Variants in C1QTNF3 observed in about 807,000 individuals in gnomAD.
C1QTNF3 encodes complement C1q tumor necrosis factor-related protein 3.
In C1QTNF3, 26 loss-of-function variants were observed where a neutral mutation model predicts 32.6. The observed-to-expected ratio is 0.80, with a 90% CI of 0.58 to 1.11. The LOEUF (loss-of-function observed/expected upper bound fraction) is 1.11. Among genes scored for constraint, C1QTNF3 ranks in the 50% least tolerant of loss-of-function variants. The probability of loss-of-function intolerance (pLI) is 0.00; values close to 1 mark genes in which losing one functional copy is unlikely to be tolerated. For synonymous variants in C1QTNF3, 155 were observed against 146.0 expected, an observed-to-expected ratio of 1.06 and a Z score of -0.44; for missense variants, 362 against 398.2, an observed-to-expected ratio of 0.91 and a Z score of 0.77.
At chr5:34,120,774 C>T in the C1QTNF3 span, among the ~76,000 whole-genome samples, 1 of 152,174 alleles carries the variant, frequency 6.6e-6, no homozygotes, top group African/African-American at 2.4e-5. Context: ...CACGTGGAAC[C>T]GTGAGTCCAT....
At chr5:34,174,894 C>T in the C1QTNF3 span, among the ~76,000 whole-genome samples, 1 of 150,454 alleles carries the variant, frequency 6.6e-6, no homozygotes, top group African/African-American at 2.4e-5. Context: ...ACTACAGGCG[C>T]CCACCACCAC....
chr5:34,175,144 G>T, the C1QTNF3 span, among the ~76,000 whole-genome samples: 1 of 150,126 alleles, frequency 6.7e-6, no homozygotes, highest in South Asian at 2.1e-4. Flanking sequence ...CCTGTGCTCA[G>T]GCTATCCGCC....
the C1QTNF3 span, among the ~76,000 whole-genome samples, chr5:34,147,479 G>A: frequency 6.6e-6 from 1 of 152,138 alleles, no homozygotes; most frequent in Non-Finnish European, 1.5e-5. Flanking sequence ...GTACTACAGA[G>A]CCATAGAAAA....
At chr5:34,024,345 T>A in intron 4 of C1QTNF3, 1 of 221,832 alleles carries the variant, frequency 4.5e-6, no homozygotes, top group Non-Finnish European at 9.2e-6. Flanking sequence ...ATCATCCTCA[T>A]GTACCACAGA....
chr5:34,068,796 C>T, the C1QTNF3 span, among the ~76,000 whole-genome samples: 2 of 152,044 alleles, frequency 1.3e-5, no homozygotes, highest in African/African-American at 4.8e-5. Context: ...CAGAGTGTAA[C>T]ATTATATGTG....
chr5:34,029,322 TAG>T (rs1308627560), intron 3 of C1QTNF3, among the ~76,000 whole-genome samples: 11 of 152,152 alleles, frequency 7.2e-5, no homozygotes, highest in African/African-American at 2.6e-4. Context: ...TTTTTCTTTA[TAG>T]AGACGAGGTC....
the C1QTNF3 span, among the ~76,000 whole-genome samples, chr5:34,081,812 A>T: frequency 4.6e-5 from 7 of 151,762 alleles, no homozygotes; most frequent in African/African-American, 1.5e-4. Context: ...CAATATAATA[A>T]TAAAATATTT....
chr5:34,114,341 T>C, the C1QTNF3 span, among the ~76,000 whole-genome samples: 5 of 152,114 alleles, frequency 3.3e-5, no homozygotes, highest in South Asian at 1.0e-3. Flanking sequence ...GGTAACTAAA[T>C]AACAGTCATA....
the C1QTNF3 span, among the ~76,000 whole-genome samples, chr5:34,086,956 T>C: frequency 6.6e-6 from 1 of 152,132 alleles, no homozygotes; most frequent in Non-Finnish European, 1.5e-5. Flanking sequence ...CCATAGCCAA[T>C]AAATATTCGA....
At chr5:34,167,462 A>C in the C1QTNF3 span, 1 of 152,206 alleles carries the variant, frequency 6.6e-6, no homozygotes, top group Admixed American at 6.5e-5. Flanking sequence ...TATTAGCAAA[A>C]TGATAAGCCC....
chr5:34,020,848 G>A (rs1357320602), intron 5 of C1QTNF3, 106 bp from the exon 6 acceptor site: 11 of 1,198,136 alleles, frequency 9.2e-6, no homozygotes, highest in South Asian at 4.3e-5. Context: ...ATAATCCTGC[G>A]GCTAAGTTCT....
chr5:34,160,961 AAG>A, the C1QTNF3 span, among the ~76,000 whole-genome samples: 1 of 152,220 alleles, frequency 6.6e-6, no homozygotes, highest in African/African-American at 2.4e-5. Context: ...TTTTCTTAAT[AAG>A]AGTCTCATAG....
the C1QTNF3 span, chr5:34,192,821 T>A: frequency 1.4e-6 from 1 of 714,338 alleles, no homozygotes; most frequent in South Asian, 1.5e-5. Flanking sequence ...TCGGGGTCAC[T>A]ACTCAATGCA....
chr5:34,058,281 C>T, the C1QTNF3 span, among the ~76,000 whole-genome samples: 403 of 152,162 alleles, frequency 2.6e-3, 2 homozygotes, highest in African/African-American at 9.5e-3. Flanking sequence ...CTGAAGACCA[C>T]GTGCTCCTGA....
At chr5:34,196,826 A>T in the C1QTNF3 span, among the ~76,000 whole-genome samples, 1 of 93,378 alleles carries the variant, frequency 1.1e-5, no homozygotes, top group Non-Finnish European at 2.4e-5. Context: ...CGCCCGGCTA[A>T]TTTTTTTGTA....
chr5:34,076,120 A>G, the C1QTNF3 span, among the ~76,000 whole-genome samples: 1 of 151,574 alleles, frequency 6.6e-6, no homozygotes, highest in African/African-American at 2.4e-5. Context: ...GACCGTATGC[A>G]GTAGAGAATT....
At chr5:34,069,791 T>C in the C1QTNF3 span, among the ~76,000 whole-genome samples, 8 of 152,288 alleles carry the variant, frequency 5.3e-5, no homozygotes, top group African/African-American at 1.9e-4. Context: ...TAGAAACTCT[T>C]ATATTCATCC....
the C1QTNF3 span, among the ~76,000 whole-genome samples, chr5:34,238,636 T>G: frequency 6.6e-6 from 1 of 151,658 alleles, no homozygotes; most frequent in African/African-American, 2.4e-5. Flanking sequence ...AATATGGAAT[T>G]ATATAAAGAG....
the C1QTNF3 span, among the ~76,000 whole-genome samples, chr5:34,197,840 T>C: frequency 6.6e-6 from 1 of 152,086 alleles, no homozygotes; most frequent in Non-Finnish European, 1.5e-5. Flanking sequence ...TGCTTGAGGA[T>C]TTGGTGTCTG....
Sources: allele counts gnomAD v4.1 joint callset (sites outside exome capture counted in the v4.1 genomes callset), GRCh38; gene constraint gnomAD v4.1.1; transcripts MANE v1.5; gene names NCBI Gene and HGNC (gene_info 2026-07-23, HGNC 2026-07-21).